PCSK6: variants seen among roughly 807,000 people sequenced by gnomAD.
The protein encoded by PCSK6 is proprotein convertase subtilisin/kexin type 6.
Under a neutral mutation model 123.3 loss-of-function variants are expected in PCSK6, and 85 were observed. The ratio of observed to expected loss-of-function variants is 0.69; its 90% CI spans 0.58 to 0.83. The LOEUF (loss-of-function observed/expected upper bound fraction) is 0.83, where lower values mean the gene tolerates loss of function less well. PCSK6 is among the 40% of genes least tolerant of loss of function. The pLI is 0.00. For synonymous variants in PCSK6, 508 were observed against 516.0 expected (o/e 0.98, Z 0.21); for missense variants, 1,191 against 1,282.3 (o/e 0.93, Z 1.09).
chr15:101,393,443 C>G lies in PCSK6; in HGVS notation c.997-19G>C, dbSNP rs779846469. 2 of 1,593,762 alleles carry G rather than the reference C, an allele frequency of 1.3e-6. No individual in the cohort carries two copies. The highest frequency in any genetic ancestry group is 1.7e-6 in the Non-Finnish European group (2 of 1,171,668). On this transcript the variant is annotated intron_variant, in intron 7 of 21. Transcript: ENST00000611716. ...GCCGGCCCTGGAGGGACAAGAGGAA[C>G]AAGGCTTAGCCCCGCAGCAGAACCT...
chr15:101,430,915 T>C (rs898048111), intron 4 of PCSK6, among the ~76,000 whole-genome samples: 3 of 152,192 alleles, frequency 2.0e-5, no homozygotes, highest in African/African-American at 7.2e-5. Flanking sequence ...GTTAAGTAAC[T>C]TACTCAAGAT....
chr15:101,334,383 T>C (rs544647698), intron 13 of PCSK6: 1 of 51,614 alleles, frequency 1.9e-5, no homozygotes, highest in Admixed American at 2.0e-4. Context: ...AGGAAGTTGT[T>C]CTCACCGCTG....
At chr15:101,359,840 A>AGG (rs1290512974) in intron 13 of PCSK6, among the ~76,000 whole-genome samples, 1 of 152,240 alleles carries the variant, frequency 6.6e-6, no homozygotes, top group Non-Finnish European at 1.5e-5. Flanking sequence ...ACAGCTTGAA[A>AGG]GGCTGACGAT....
chr15:101,487,931 G>A (rs1052202083), intron 1 of PCSK6, among the ~76,000 whole-genome samples: 2 of 152,134 alleles, frequency 1.3e-5, no homozygotes, highest in Admixed American at 6.5e-5. Flanking sequence ...GTGTGTATAT[G>A]TGTATATATG....
chr15:101,336,893 C>G (rs2040490660), intron 13 of PCSK6: 1 of 152,250 alleles, frequency 6.6e-6, no homozygotes, highest in African/African-American at 2.4e-5. Flanking sequence ...CAAAGCAACC[C>G]CTTCCTGCAT....
intron 2 of PCSK6, among the ~76,000 whole-genome samples, chr15:101,438,705 C>T (rs923550129): frequency 2.6e-5 from 4 of 152,226 alleles, no homozygotes; most frequent in Non-Finnish European, 4.4e-5. Flanking sequence ...GCTCCCCTGC[C>T]GACTCTGTCT....
chr15:101,489,439 C>T lies in PCSK6; in HGVS notation c.232G>A (p.Val78Met). The change falls in exon 1 of 22, where the codon GTG (valine) becomes ATG (methionine). Residue 78 changes from valine (V) to methionine (M), a missense_variant. Val to Met is a conservative substitution (Grantham distance 21, BLOSUM62 1). Coordinates refer to ENST00000611716, the MANE Select transcript of PCSK6 (RefSeq NM_002570.5). ...TCCGCCTCGGCCGGGCCGCCCAGCA[C>T]TTGCACCGCCCAGTGGTTGGTGTAG... ...PVYTNHWAVQVLGGPAEADRV... is the reference protein window; with the variant it reads ...PVYTNHWAVQMLGGPAEADRV... 8.0e-7 allele frequency: 1 copy of T among 1,253,246 alleles called. No homozygotes were observed. The highest frequency in any genetic ancestry group is 1.0e-6 in the Non-Finnish European group (1 of 987,000). 77.6% of individuals were successfully genotyped at this position (1,253,246 alleles called of 1,614,324 possible).
chr15:101,458,465 C>T (rs1181340009), intron 1 of PCSK6, among the ~76,000 whole-genome samples: 1 of 152,166 alleles, frequency 6.6e-6, no homozygotes, highest in Non-Finnish European at 1.5e-5. Flanking sequence ...ACTGGACCCC[C>T]ACAGGACCCG....
chr15:101,402,463 T>C (rs1182073736), intron 6 of PCSK6, among the ~76,000 whole-genome samples: 4 of 152,014 alleles, frequency 2.6e-5, no homozygotes, highest in African/African-American at 9.7e-5. Flanking sequence ...CAAAAGAAAC[T>C]ACCATCAGAG....
chr15:101,353,829 A>G (rs11247284), intron 13 of PCSK6, among the ~76,000 whole-genome samples: 110,028 of 151,996 alleles, frequency 0.72, 40,076 homozygotes, highest in East Asian at 0.8. Flanking sequence ...CGGCCCTGAC[A>G]CCAGGCTCTG....
At chr15:101,481,162 C>T (rs1362209813) in intron 1 of PCSK6, among the ~76,000 whole-genome samples, 1 of 152,206 alleles carries the variant, frequency 6.6e-6, no homozygotes, top group Non-Finnish European at 1.5e-5. Context: ...AAGCCCAGAG[C>T]CCAGTGTCAG....
At chr15:101,347,433 A>G (rs1295602396) in intron 13 of PCSK6, 12 of 1,238,964 alleles carry the variant, frequency 9.7e-6, no homozygotes, top group Non-Finnish European at 1.2e-5. Context: ...AAGGGAAAAC[A>G]TGGTCACACA....
chr15:101,397,774 T>C (rs1046719547), intron 7 of PCSK6, among the ~76,000 whole-genome samples: 3 of 152,230 alleles, frequency 2.0e-5, no homozygotes, highest in African/African-American at 7.2e-5. Context: ...CACACAAGGA[T>C]CCGGAACCAA....
At chr15:101,411,179 G>A (rs1030932966) in intron 6 of PCSK6, among the ~76,000 whole-genome samples, 2 of 152,296 alleles carry the variant, frequency 1.3e-5, no homozygotes, top group Non-Finnish European at 1.5e-5. Context: ...GGGTCCTGGC[G>A]CGAGGACTTC....
chr15:101,383,235 C>T (rs536683579), intron 10 of PCSK6, among the ~76,000 whole-genome samples: 4 of 152,012 alleles, frequency 2.6e-5, no homozygotes, highest in East Asian at 1.9e-4. Flanking sequence ...GGTGAAACCC[C>T]GTCTCCACTA....
intron 13 of PCSK6, among the ~76,000 whole-genome samples, chr15:101,343,930 A>G (rs972812344): frequency 6.6e-6 from 1 of 152,172 alleles, no homozygotes; most frequent in African/African-American, 2.4e-5. Flanking sequence ...TCTACTAAAA[A>G]TACAAAATAT....
At chr15:101,440,431 C>CT (rs112873503) in intron 2 of PCSK6, among the ~76,000 whole-genome samples, 6,188 of 152,316 alleles carry the variant, frequency 0.041, 331 homozygotes, top group African/African-American at 0.12. Context: ...CTGACACCCC[C>CT]TTGAGTTTTG....
At chr15:101,474,690 T>A (rs8028556) in intron 1 of PCSK6, among the ~76,000 whole-genome samples, 1 of 152,002 alleles carries the variant, frequency 6.6e-6, no homozygotes, top group South Asian at 2.1e-4. Flanking sequence ...TGCTCAGTGC[T>A]GCAGAAGACT....
intron 12 of PCSK6, among the ~76,000 whole-genome samples, chr15:101,368,675 G>C (rs1334163590): frequency 1.3e-5 from 2 of 152,148 alleles, no homozygotes; most frequent in Admixed American, 6.5e-5. Flanking sequence ...GGTGCCACTA[G>C]GTGTGCGGCT....
Sources: allele counts gnomAD v4.1 joint callset (sites outside exome capture counted in the v4.1 genomes callset), GRCh38; gene constraint gnomAD v4.1.1; transcripts MANE v1.5; gene names NCBI Gene and HGNC (gene_info 2026-07-23, HGNC 2026-07-21).